PTPRK: variants seen among roughly 807,000 people sequenced by gnomAD.
PTPRK encodes the protein protein tyrosine phosphatase receptor type K.
In PTPRK, 75 loss-of-function variants were observed where a neutral mutation model predicts 178.0. The ratio of observed to expected loss-of-function variants is 0.42; its 90% confidence interval spans 0.35 to 0.51. The LOEUF (loss-of-function observed/expected upper bound fraction) is 0.51. Among genes scored for constraint, PTPRK ranks in the 20% least tolerant of loss-of-function variants. The pLI, the probability that PTPRK is intolerant of heterozygous loss-of-function variation, is 0.02. For synonymous variants in PTPRK, 637 were observed against 620.6 expected (o/e 1.03, Z -0.39); for missense variants, 1,441 against 1,797.8 (o/e 0.80, Z 3.59).
At chr6:128,256,182 A>T (rs1454451537) in intron 3 of PTPRK, among the ~76,000 whole-genome samples, 1 of 152,198 alleles carries the variant, frequency 6.6e-6, no homozygotes, top group African/African-American at 2.4e-5. Context: ...GCACAGTTAT[A>T]TGTGATAAAG....
intron 7 of PTPRK, among the ~76,000 whole-genome samples, chr6:128,127,227 C>A (rs552661442): frequency 4.8e-4 from 73 of 152,232 alleles, no homozygotes; most frequent in Non-Finnish European, 9.0e-4. Context: ...CTGTAGTACT[C>A]CAACTTTTTG....
At chr6:128,078,996 CTT>C (rs1784333973) in intron 10 of PTPRK, 78 bp from the exon 11 acceptor site, 3 of 900,664 alleles carry the variant, frequency 3.3e-6, no homozygotes, top group East Asian at 2.5e-5. Context: ...AACAGACAAT[CTT>C]AAGTTAGGAA....
chr6:128,472,012 A>T (rs1850739294), intron 1 of PTPRK, among the ~76,000 whole-genome samples: 1 of 152,030 alleles, frequency 6.6e-6, no homozygotes, highest in African/African-American at 2.4e-5. Flanking sequence ...AGAGGAAAAG[A>T]GAGGGGGGAA....
chr6:128,214,785 A>G (rs1428241300), intron 6 of PTPRK, among the ~76,000 whole-genome samples: 1 of 152,118 alleles, frequency 6.6e-6, no homozygotes. Context: ...CCAGTCACAA[A>G]AATTAGTAAA....
intron 6 of PTPRK, among the ~76,000 whole-genome samples, chr6:128,211,678 G>A (rs562419597): frequency 6.6e-5 from 10 of 152,088 alleles, no homozygotes; most frequent in Non-Finnish European, 1.5e-4. Flanking sequence ...ATGTATATTA[G>A]CTAGCTTTTT....
chr6:128,237,311 TAAC>T (rs899487825), intron 5 of PTPRK, among the ~76,000 whole-genome samples: 7 of 151,602 alleles, frequency 4.6e-5, no homozygotes, highest in Non-Finnish European at 8.8e-5. Flanking sequence ...ATGGCAGGTA[TAAC>T]AACTGTTGTA....
At chr6:127,988,558 T>TCAG (rs1776238119) in intron 21 of PTPRK, among the ~76,000 whole-genome samples, 1 of 152,226 alleles carries the variant, frequency 6.6e-6, no homozygotes, top group South Asian at 2.1e-4. Flanking sequence ...TACCATCTAT[T>TCAG]CATGCTTCTA....
chr6:128,344,727 G>A (rs149621725), intron 2 of PTPRK, among the ~76,000 whole-genome samples: 3 of 152,020 alleles, frequency 2.0e-5, no homozygotes, highest in African/African-American at 7.2e-5. Context: ...ATTTGCCCAG[G>A]CTGGTTTGGA....
intron 13 of PTPRK, among the ~76,000 whole-genome samples, chr6:128,052,439 G>A (rs1395664444): frequency 2.6e-5 from 4 of 152,220 alleles, no homozygotes; most frequent in South Asian, 2.1e-4. Flanking sequence ...TTCAGCCTGC[G>A]CAGTCCAGCC....
At position 128,005,149 on chromosome 6, in the gene PTPRK, C is replaced by T. The variant is rs527469108; in HGVS notation, c.2429G>A (p.Ser810Asn). ...AAGAGGATCTTCTGCATGCAGAGTG[C>T]TCTGATCAGCATAACTTCGATCCAT... is the stretch of plus-strand genomic sequence containing the variant. ...NAMDRSYADQSTLHAEDPLSI... is the reference protein window; with the variant it reads ...NAMDRSYADQNTLHAEDPLSI... The change falls in exon 15 of 30, where the codon AGC (serine) becomes AAC (asparagine). Residue 810 changes from serine (S) to asparagine (N), a missense_variant. This residue lies in a region of PTPRK where 945 missense variants were observed against 1,080.6 expected (regional missense o/e 0.87). Transcript: ENST00000368226. The T allele has an allele frequency of 1.9e-6, 3 of 1,611,580 alleles. No homozygotes were observed. The Admixed American group carries it at 5.0e-5, about 27-fold the overall frequency.
intron 7 of PTPRK, among the ~76,000 whole-genome samples, chr6:128,130,267 T>C (rs1794013717): frequency 6.6e-6 from 1 of 152,184 alleles, no homozygotes; most frequent in African/African-American, 2.4e-5. Context: ...CTGCAAACAT[T>C]ATATTTTCTC....
At chr6:128,126,127 A>G (rs746137106) in intron 7 of PTPRK, among the ~76,000 whole-genome samples, 6 of 151,694 alleles carry the variant, frequency 4.0e-5, no homozygotes, top group South Asian at 2.1e-4. Flanking sequence ...GTATACATGT[A>G]CCATGGTGGT....
chr6:128,248,485 G>C (rs933462072), intron 3 of PTPRK, among the ~76,000 whole-genome samples: 49 of 152,016 alleles, frequency 3.2e-4, no homozygotes, highest in African/African-American at 1.1e-3. Flanking sequence ...ATATATTTAA[G>C]TATATAGAAC....
intron 7 of PTPRK, among the ~76,000 whole-genome samples, chr6:128,125,887 C>A (rs939176922): frequency 3.3e-5 from 5 of 151,930 alleles, no homozygotes; most frequent in African/African-American, 4.8e-5. Context: ...GGATTACAGG[C>A]CTGAGCCACT....
In PTPRK at chr6:128,014,992, C is replaced by T. The variant is rs143607916; in HGVS notation, c.2195-5724G>A. Among the ~76,000 whole-genome samples, 308 of 151,650 alleles carry T rather than the reference C, an allele frequency of 2.0e-3. 1 individual carries two copies. The highest frequency in any genetic ancestry group is 6.9e-3 in the African/African-American group (284 of 41,432). On this transcript the variant is annotated intron_variant, in intron 13 of 29. Coordinates refer to ENST00000368226, the MANE Select transcript of PTPRK (RefSeq NM_002844.4). ...TATTCTCCTTTAATAATGATATGGA[C>T]GTGATCCAAAGATTTCTGATGTGGA...
rs76250618 is a variant in PTPRK at position 128,139,491 on chromosome 6, C to T, written c.1162+44941G>A. Among the ~76,000 whole-genome samples the T allele has an allele frequency of 9.8e-3, 1,490 of 152,062 alleles. 22 individuals carry two copies. Among genetic ancestry groups the T allele is most frequent in the African/African-American group, 0.034 (1,409 of 41,518 alleles). On this transcript the variant is annotated intron_variant, in intron 7 of 29. Transcript: ENST00000368226. The stretch of plus-strand genomic sequence containing the variant: ...AGGTACCCTACTGAGAACCTAGATA[C>T]AAAAACAGGTTTTAACATGAACAAA...
In PTPRK at chr6:128,067,578, G is replaced by T; in HGVS notation, c.2098C>A (p.Pro700Thr). 1 of 1,612,334 alleles carries T rather than the reference G, an allele frequency of 6.2e-7. No individual in the cohort carries two copies. Among genetic ancestry groups the T allele is most frequent in the South Asian group, 1.1e-5 (1 of 90,884 alleles). ...TTGTATCCTTTGCGCGGAGCCAAAG[G>T]AGGGTTCCAAAAGCCTTGGTAGGTC... ...NRTYQGFWNP[P>T]LAPRKGYNIY... The change falls in exon 12 of 30, where the codon CCT becomes ACT. Residue 700 changes from proline to threonine, a missense_variant. Around this residue, in one of 4 missense-constraint regions of PTPRK, gnomAD observed 945 missense variants for 1,080.6 expected, o/e 0.87. Transcript: ENST00000368226.
intron 7 of PTPRK, among the ~76,000 whole-genome samples, chr6:128,171,478 A>G (rs1369674713): frequency 2.0e-5 from 3 of 151,916 alleles, no homozygotes; most frequent in East Asian, 1.9e-4. Context: ...CTGCCAAACC[A>G]TTTCTCACTC....
intron 13 of PTPRK, among the ~76,000 whole-genome samples, chr6:128,015,667 C>T (rs1779517916): frequency 6.6e-6 from 1 of 151,766 alleles, no homozygotes; most frequent in African/African-American, 2.4e-5. Context: ...TCAACATTTT[C>T]AACCTCATCT....
Sources: allele counts gnomAD v4.1 joint callset (sites outside exome capture counted in the v4.1 genomes callset), GRCh38; gene constraint gnomAD v4.1.1; regional missense constraint gnomAD v4.1.1; transcripts MANE v1.5; gene names NCBI Gene and HGNC (gene_info 2026-07-23, HGNC 2026-07-21).